The following CAMK2A variants were observed in gnomAD, a reference collection of about 807,000 sequenced individuals.
CAMK2A encodes calcium/calmodulin-dependent protein kinase type II subunit alpha.
A neutral mutation model predicts 79.2 loss-of-function variants in CAMK2A; 7 were observed. The observed-to-expected ratio is 0.09, with a 90% CI of 0.05 to 0.17. The LOEUF is 0.17. CAMK2A is among the 10% of genes least tolerant of loss of function. The pLI is 1.00. For missense variants in CAMK2A, 214 were observed against 646.4 expected, an observed-to-expected ratio of 0.33 and a Z score of 7.25; for synonymous variants, 242 against 251.7, an observed-to-expected ratio of 0.96 and a Z score of 0.36.
chr5:150,222,947 T>C, intron 18 of CAMK2A, 42 bp downstream of exon 18: 1 of 1,568,640 alleles, frequency 6.4e-7, no homozygotes, highest in South Asian at 1.1e-5. Flanking sequence ...AACACTCCCA[T>C]CCTTTACATT....
chr5:150,263,331 A>G (rs1334470573), intron 3 of CAMK2A, among the ~76,000 whole-genome samples: 1 of 151,966 alleles, frequency 6.6e-6, no homozygotes, highest in African/African-American at 2.4e-5. Context: ...GTTGTGCAGC[A>G]ACACACACAC....
At chr5:150,244,718 G>A (rs1454651178) in intron 13 of CAMK2A, among the ~76,000 whole-genome samples, 1 of 152,136 alleles carries the variant, frequency 6.6e-6, no homozygotes, top group Non-Finnish European at 1.5e-5. Context: ...CATCCTCCAC[G>A]AGCTTTCTGG....
In CAMK2A at chr5:150,269,217, C is replaced by T. The variant is rs4958902; in HGVS notation, c.157+3848G>A. On this transcript the variant is annotated intron_variant, in intron 2 of 18. Transcript: ENST00000671881. ...AATGCCCATGATGATATCTTGGGAA[C>T]CTTTTTGCTTCCTCCCCAGATGGTT... Among the ~76,000 whole-genome samples, 480 of 150,934 alleles carry T rather than the reference C, an allele frequency of 3.2e-3. 5 individuals are homozygous for T. Among genetic ancestry groups the T allele is most frequent in the African/African-American group, 0.011 (448 of 40,370 alleles).
intron 2 of CAMK2A, among the ~76,000 whole-genome samples, chr5:150,270,835 C>T (rs1756718139): frequency 6.6e-6 from 1 of 152,176 alleles, no homozygotes. Context: ...TGGCATAGCC[C>T]AGGGTCTGCA....
At chr5:150,228,089 C>G (rs1267199431) in intron 17 of CAMK2A, 103 bp downstream of exon 17, 5 of 966,690 alleles carry the variant, frequency 5.2e-6, no homozygotes, top group Non-Finnish European at 7.8e-6. Context: ...TTCGCTGGCT[C>G]CTGAGCCGCC....
chr5:150,238,620 G>T, intron 15 of CAMK2A, 80 bp downstream of exon 15: 2 of 1,341,502 alleles, frequency 1.5e-6, no homozygotes, highest in Non-Finnish European at 2.1e-6. Flanking sequence ...TTGGCACGTG[G>T]GAGCTGTCAG....
At chr5:150,252,415 T>C (rs1395863561) in intron 7 of CAMK2A, among the ~76,000 whole-genome samples, 1 of 152,220 alleles carries the variant, frequency 6.6e-6, no homozygotes, top group African/African-American at 2.4e-5. Context: ...TAGTGATCCA[T>C]TGCTGGTGGC....
chr5:150,242,175 TAGAA>T (rs754177233), intron 13 of CAMK2A, among the ~76,000 whole-genome samples: 25 of 152,200 alleles, frequency 1.6e-4, no homozygotes, highest in African/African-American at 5.3e-4. Flanking sequence ...TTCTTGGTGA[TAGAA>T]AGACTTAACT....
At chr5:150,280,875 T>C (rs1757186295) in intron 1 of CAMK2A, among the ~76,000 whole-genome samples, 1 of 152,102 alleles carries the variant, frequency 6.6e-6, no homozygotes, top group Non-Finnish European at 1.5e-5. Context: ...CTCCTGCCCA[T>C]CCCCTCTACC....
At chr5:150,283,064 C>T (rs1256470735) in intron 1 of CAMK2A, among the ~76,000 whole-genome samples, 2 of 152,256 alleles carry the variant, frequency 1.3e-5, no homozygotes, top group Non-Finnish European at 2.9e-5. Flanking sequence ...CCCAAGGGAT[C>T]TCTTCTGTCT....
intron 1 of CAMK2A, among the ~76,000 whole-genome samples, chr5:150,278,871 G>C (rs557287381): frequency 6.6e-6 from 1 of 152,142 alleles, no homozygotes; most frequent in East Asian, 1.9e-4. Context: ...TATCACCCTA[G>C]GTATGAGGCG....
intron 2 of CAMK2A, among the ~76,000 whole-genome samples, chr5:150,272,041 G>A (rs1168540092): frequency 6.6e-6 from 1 of 152,180 alleles, no homozygotes; most frequent in African/African-American, 2.4e-5. Context: ...TCACACCCCA[G>A]ACCAACTCTC....
At position 150,284,856 on chromosome 5, in the gene CAMK2A, C is replaced by A. The variant is rs1292200042; in HGVS notation, c.62+4708G>T. On this transcript the variant is annotated intron_variant, in intron 1 of 18. Transcript: ENST00000671881. This position sits in a 1 kb window ranked among gnomAD's most constrained non-coding sequence, Gnocchi z 5.3. Reference sequence around the variant, plus strand: ...GAGCAGAGCATCTCCATGGTCCTTACAATTCTGATGTTCCGGAGGTCTGCA... The same window carrying A: ...GAGCAGAGCATCTCCATGGTCCTTAAAATTCTGATGTTCCGGAGGTCTGCA... 3.3e-5 allele frequency among the ~76,000 whole-genome samples: 5 copies of A among 152,154 alleles called. No homozygotes were observed. The highest frequency in any genetic ancestry group is 3.3e-4 in the Admixed American group (5 of 15,280).
At chr5:150,280,821 T>C (rs1757182754) in intron 1 of CAMK2A, among the ~76,000 whole-genome samples, 1 of 152,064 alleles carries the variant, frequency 6.6e-6, no homozygotes, top group Non-Finnish European at 1.5e-5. Flanking sequence ...CCACCTTCCC[T>C]CAGTATTGCT....
chr5:150,250,383 G>C, intron 10 of CAMK2A, 74 bp from the exon 11 acceptor site: 1 of 1,237,432 alleles, frequency 8.1e-7, no homozygotes, highest in Middle Eastern at 2.2e-4. Flanking sequence ...GTACCCTTCA[G>C]CAGGGCATCT....
At chr5:150,250,426 C>T (rs1051174590) in intron 10 of CAMK2A, 117 bp from the exon 11 acceptor site, 15 of 900,606 alleles carry the variant, frequency 1.7e-5, no homozygotes, top group African/African-American at 6.5e-5. Flanking sequence ...TTGGGAAGAA[C>T]GATTCATTGC....
At chr5:150,287,043 G>A (rs372585064) in intron 1 of CAMK2A, among the ~76,000 whole-genome samples, 2 of 152,196 alleles carry the variant, frequency 1.3e-5, no homozygotes, top group Non-Finnish European at 2.9e-5. Flanking sequence ...GAGGGACAGC[G>A]CCTGTGTCCC....
chr5:150,258,523 G>A (rs1315952305), intron 3 of CAMK2A, among the ~76,000 whole-genome samples: 1 of 152,220 alleles, frequency 6.6e-6, no homozygotes, highest in Non-Finnish European at 1.5e-5. Flanking sequence ...GTTGCTTGGT[G>A]AAAAAGCAAA....
intron 2 of CAMK2A, among the ~76,000 whole-genome samples, chr5:150,269,855 C>T (rs1215326073): frequency 6.6e-6 from 1 of 152,170 alleles, no homozygotes; most frequent in African/African-American, 2.4e-5. Context: ...CATGTCTTGC[C>T]GTCCCCTCAG....
Sources: allele counts gnomAD v4.1 joint callset (sites outside exome capture counted in the v4.1 genomes callset), GRCh38; gene constraint gnomAD v4.1.1; non-coding constraint Gnocchi (gnomAD v3.1); transcripts MANE v1.5; gene names NCBI Gene and HGNC (gene_info 2026-07-23, HGNC 2026-07-21).